The following WDFY4 variants were observed in gnomAD, a reference collection of about 807,000 sequenced individuals.
WDFY4 encodes the protein WDFY family member 4.
In WDFY4, 169 loss-of-function variants were observed where a neutral mutation model predicts 351.9. The observed-to-expected ratio is 0.48, with a 90% CI of 0.42 to 0.55. The LOEUF (loss-of-function observed/expected upper bound fraction) is 0.55. Among genes scored for constraint, WDFY4 ranks in the 20% least tolerant of loss-of-function variants. WDFY4 has a pLI of 0.00. For missense variants in WDFY4, 3,803 were observed against 3,935.6 expected (o/e 0.97, Z 0.90); for synonymous variants, 1,622 against 1,574.6 (o/e 1.03, Z -0.71).
Position 48,826,797 on chromosome 10 carries a change from A to G in WDFY4, c.6109A>G (p.Ser2037Gly). The G allele has an allele frequency of 1.3e-6, 2 of 1,551,938 alleles. No homozygotes were observed. The highest frequency in any genetic ancestry group is 1.2e-5 in the South Asian group (1 of 84,060). The change falls in exon 36 of 62, where the codon AGC becomes GGC. Residue 2037 changes from serine to glycine, a missense_variant. By Grantham distance (56) the Ser-to-Gly change is moderately conservative. Around this residue, in one of 3 missense-constraint regions of WDFY4, gnomAD observed 3,054 missense variants for 3,148.6 expected, o/e 0.97. Coordinates refer to ENST00000325239, the MANE Select transcript of WDFY4 (RefSeq NM_001394531.1). Reference protein sequence around the residue: ...QSLSECLGLLSILGFLQEHWD... With the variant: ...QSLSECLGLLGILGFLQEHWD... ...CCTCTCCGAATGCCTCGGCCTTCTC[A>G]GCATCCTGGGCTTTCTGCAGGAGCA...
intron 39 of WDFY4, among the ~76,000 whole-genome samples, chr10:48,838,122 G>A (rs2068468065): frequency 6.6e-6 from 1 of 152,178 alleles, no homozygotes; most frequent in Admixed American, 6.5e-5. Flanking sequence ...GGGATGAGAG[G>A]GCACCAGAAG....
intron 24 of WDFY4, among the ~76,000 whole-genome samples, chr10:48,796,726 G>A (rs1164787402): frequency 6.6e-6 from 1 of 152,144 alleles, no homozygotes; most frequent in Non-Finnish European, 1.5e-5. Flanking sequence ...CTGTCATGAG[G>A]GTTAAGCCAG....
At chr10:48,772,097 C>A (rs1231218663) in intron 13 of WDFY4, among the ~76,000 whole-genome samples, 1 of 152,100 alleles carries the variant, frequency 6.6e-6, no homozygotes, top group African/African-American at 2.4e-5. Context: ...TGCCTCAGGT[C>A]GGGTTCCCTG....
chr10:48,775,925 G>A, intron 15 of WDFY4, 119 bp downstream of exon 15: 1 of 884,626 alleles, frequency 1.1e-6, no homozygotes, highest in Non-Finnish European at 1.8e-6. Context: ...GGTTTTGTCT[G>A]CTGCTCAATG....
intron 2 of WDFY4, among the ~76,000 whole-genome samples, chr10:48,715,502 T>G (rs2063878808): frequency 6.6e-6 from 1 of 152,258 alleles, no homozygotes; most frequent in Non-Finnish European, 1.5e-5. Context: ...AAGCCAATGG[T>G]GCAGAGTTTG....
At chr10:48,949,724 C>T (rs897929798) in intron 51 of WDFY4, among the ~76,000 whole-genome samples, 3 of 152,202 alleles carry the variant, frequency 2.0e-5, no homozygotes, top group Admixed American at 6.5e-5. Context: ...GAGCACACGT[C>T]TCCATTCTGC....
chr10:48,889,164 G>A (rs187273342), intron 43 of WDFY4, among the ~76,000 whole-genome samples: 1 of 152,340 alleles, frequency 6.6e-6, no homozygotes, highest in Non-Finnish European at 1.5e-5. Flanking sequence ...AATAGACCAA[G>A]AAAGCCAGCT....
At chr10:48,862,703 CTCTGG>C (rs942414383) in intron 39 of WDFY4, among the ~76,000 whole-genome samples, 1 of 152,186 alleles carries the variant, frequency 6.6e-6, no homozygotes, top group African/African-American at 2.4e-5. Context: ...AACCCCTCAC[CTCTGG>C]TTCATGGAAA....
chr10:48,787,836 C>A lies in WDFY4; in HGVS notation c.3809-694C>A, dbSNP rs182160450. ...TCTTCTTCTTCTTCTTCTTCTTCTTCTTCTTCTTCTTCTTCTTCTTCTTTC... is the reference window on the plus strand; with the variant it reads ...TCTTCTTCTTCTTCTTCTTCTTCTTATTCTTCTTCTTCTTCTTCTTCTTTC... On this transcript the variant is annotated intron_variant, in intron 20 of 61. Transcript: ENST00000325239. Among the ~76,000 whole-genome samples, 496 of 139,714 alleles carry A rather than the reference C, an allele frequency of 3.6e-3. 29 individuals are homozygous for A. Among genetic ancestry groups the A allele is most frequent in the African/African-American group, 0.015 (473 of 31,778 alleles). 91.7% of individuals were successfully genotyped at this position (139,714 alleles called of 152,430 possible).
In WDFY4 at chr10:48,780,138, G is replaced by C; in HGVS notation, c.3576+19G>C. ...TGCCAAGGTGAGATGGCTCCTCCAAGCTGCACTTGCCCCACAACCATACCT... is the reference window on the plus strand; with the variant it reads ...TGCCAAGGTGAGATGGCTCCTCCAACCTGCACTTGCCCCACAACCATACCT... On this transcript the variant is annotated intron_variant, in intron 19 of 61. Transcript: ENST00000325239. The C allele has an allele frequency of 6.4e-7, 1 of 1,551,414 alleles. No individual in the cohort carries two copies.
chr10:48,873,611 C>T lies in WDFY4; in HGVS notation c.6862C>T (p.Leu2288Phe), dbSNP rs2069870828. 6 of 1,551,798 alleles carry T rather than the reference C, an allele frequency of 3.9e-6. No homozygotes were observed. In the East Asian group the frequency reaches 1.5e-4, roughly 38 times the overall value. ...EETKPCSPWE[L>F]DWREGPARMR... is the part of the protein sequence containing the mutation. ...AACCAAGCCCTGTTCCCCATGGGAACTCGACTGGAGAGAAGGACCAGCTCG... is the reference window on the plus strand; with the variant it reads ...AACCAAGCCCTGTTCCCCATGGGAATTCGACTGGAGAGAAGGACCAGCTCG... Residue 2288 changes from leucine to phenylalanine, a missense_variant, in exon 41 of 62, where the codon CTC (leucine) becomes TTC (phenylalanine). Leu to Phe is a conservative substitution (Grantham distance 22). This residue lies in a region of WDFY4 where 3,054 missense variants were observed against 3,148.6 expected (regional missense o/e 0.97). Coordinates refer to ENST00000325239, the MANE Select transcript of WDFY4 (RefSeq NM_001394531.1).
intron 39 of WDFY4, among the ~76,000 whole-genome samples, chr10:48,844,362 C>T (rs2068708323): frequency 1.3e-5 from 2 of 151,966 alleles, no homozygotes; most frequent in Non-Finnish European, 2.9e-5. Context: ...GAGACCAAGG[C>T]GAGTGGATCA....
intron 47 of WDFY4, among the ~76,000 whole-genome samples, chr10:48,921,589 CAATT>C (rs1839082352): frequency 3.2e-5 from 3 of 93,330 alleles, no homozygotes; most frequent in Admixed American, 1.4e-4. Flanking sequence ...AAGTTGAACA[CAATT>C]AAAAGCTCTG....
intron 30 of WDFY4, 54 bp downstream of exon 30, chr10:48,811,762 G>A (rs1323097634): frequency 2.0e-6 from 3 of 1,524,170 alleles, no homozygotes; most frequent in East Asian, 4.9e-5. Flanking sequence ...GATTCCACAT[G>A]ACTAAGGCAG....
chr10:48,932,204 T>A lies in WDFY4; in HGVS notation c.7587-9602T>A, dbSNP rs75529390. ...AGTGGGCACTCAACAAAGCCAGTCATCTGGCTTCTACCACCAGTGGCGGGT... is the reference window on the plus strand; with the variant it reads ...AGTGGGCACTCAACAAAGCCAGTCAACTGGCTTCTACCACCAGTGGCGGGT... On this transcript the variant is annotated intron_variant, in intron 47 of 61. Transcript: ENST00000325239. Among the ~76,000 whole-genome samples the A allele has an allele frequency of 4.8e-4, 73 of 152,354 alleles. 3 individuals are homozygous for A. The East Asian group carries it at 0.014, about 29-fold the overall frequency.
At position 48,939,906 on chromosome 10, in the gene WDFY4, G is replaced by A. The variant is rs80269531; in HGVS notation, c.7587-1900G>A. 5.1e-3 allele frequency among the ~76,000 whole-genome samples: 776 copies of A among 152,312 alleles called. 3 individuals carry two copies. The highest frequency in any genetic ancestry group is 0.018 in the African/African-American group (743 of 41,562). On this transcript the variant is annotated intron_variant, in intron 47 of 61. Coordinates refer to ENST00000325239, the MANE Select transcript of WDFY4 (RefSeq NM_001394531.1). ...ATTCCACCTGATAGTAACATCACAA[G>A]TGACCACAGGCAAAATTCTAGAACC...
chr10:48,937,364 G>C (rs77859680), intron 47 of WDFY4, among the ~76,000 whole-genome samples: 1,598 of 152,268 alleles, frequency 0.01, 26 homozygotes, highest in African/African-American at 0.036. Context: ...ATTTTTGTTT[G>C]TTTGCATTTG....
At chr10:48,765,089 TA>T (rs1221444652) in intron 13 of WDFY4, among the ~76,000 whole-genome samples, 1 of 152,202 alleles carries the variant, frequency 6.6e-6, no homozygotes, top group Non-Finnish European at 1.5e-5. Context: ...ATGAAAAGGC[TA>T]AAATAGAACA....
At chr10:48,785,189 G>T (rs916730036) in intron 19 of WDFY4, among the ~76,000 whole-genome samples, 1 of 151,982 alleles carries the variant, frequency 6.6e-6, no homozygotes, top group Non-Finnish European at 1.5e-5. Flanking sequence ...GGGTTTTAGG[G>T]TTTTAAAATG....
Sources: gnomAD v4.1 joint callset for allele counts (sites outside exome capture counted in the v4.1 genomes callset) on GRCh38, gnomAD v4.1.1 for gene constraint, gnomAD v4.1.1 regional missense constraint, MANE v1.5 for transcripts, NCBI Gene and HGNC (gene_info 2026-07-23, HGNC 2026-07-21) for gene names.